Variants in MAP4K5 observed in about 807,000 individuals in gnomAD.
The protein encoded by MAP4K5 is MAPK/ERK kinase kinase kinase 5.
A neutral mutation model predicts 135.6 loss-of-function variants in MAP4K5; 82 were observed. The ratio of observed to expected loss-of-function variants is 0.60; its 90% CI spans 0.51 to 0.73. MAP4K5 has a LOEUF of 0.73. Among genes scored for constraint, MAP4K5 ranks in the 30% least tolerant of loss-of-function variants. The pLI, the probability that MAP4K5 is intolerant of heterozygous loss-of-function variation, is 0.00. For missense variants in MAP4K5, 907 were observed against 1,010.9 expected, an observed-to-expected ratio of 0.90 and a Z score of 1.39; for synonymous variants, 347 against 335.0, an observed-to-expected ratio of 1.04 and a Z score of -0.39.
rs560860990 is a variant in MAP4K5 at position 50,469,553 on chromosome 14, G to C, written c.543-771C>G. Among the ~76,000 whole-genome samples the C allele has an allele frequency of 2.6e-5, 4 of 152,280 alleles. No individual in the cohort carries two copies. In the South Asian group the frequency reaches 8.3e-4, roughly 32 times the overall value. ...TCTAAAACTGCATGGCAAGATGAAG[G>C]ATAGTGTGAAATCAGGTGAAATCAG... On this transcript the variant is annotated intron_variant, in intron 9 of 32. Coordinates refer to ENST00000682126, the MANE Select transcript of MAP4K5 (RefSeq NM_006575.6).
At chr14:50,485,895 T>G (rs931046893) in intron 4 of MAP4K5, 1 of 533,258 alleles carries the variant, frequency 1.9e-6, no homozygotes, top group African/African-American at 2.0e-5. Context: ...TTCATTAAAA[T>G]TGCCAGATGA....
Position 50,446,968 on chromosome 14 carries a change from T to C in MAP4K5, c.1142+446A>G, listed in dbSNP as rs1394651851. 3.3e-5 allele frequency among the ~76,000 whole-genome samples: 5 copies of C among 152,214 alleles called. No homozygotes were observed. In the South Asian group the frequency reaches 8.3e-4, roughly 25 times the overall value. On this transcript the variant is annotated intron_variant, in intron 16 of 32. Coordinates refer to ENST00000682126, the MANE Select transcript of MAP4K5 (RefSeq NM_006575.6). ...ACTATTCTTAGTTTGTGGGCTGCCA[T>C]AGTTTGTTAACTCCAAATGTATAGG...
At chr14:50,541,707 C>G (rs1208490578) in intron 2 of MAP4K5, among the ~76,000 whole-genome samples, 1 of 151,984 alleles carries the variant, frequency 6.6e-6, no homozygotes, top group Non-Finnish European at 1.5e-5. Flanking sequence ...CCAATGCAGA[C>G]CCCTAGGATT....
chr14:50,540,157 A>G (rs2038542867), intron 2 of MAP4K5, among the ~76,000 whole-genome samples: 1 of 152,246 alleles, frequency 6.6e-6, no homozygotes, highest in South Asian at 2.1e-4. Flanking sequence ...TGTCAAAGAC[A>G]TGTTTAGCAC....
chr14:50,521,688 G>A (rs1342280319), intron 2 of MAP4K5, among the ~76,000 whole-genome samples: 1 of 152,096 alleles, frequency 6.6e-6, no homozygotes, highest in Admixed American at 6.5e-5. Flanking sequence ...TGACTCACTA[G>A]CCCAAACACC....
chr14:50,471,579 T>A (rs1360578836), intron 9 of MAP4K5, among the ~76,000 whole-genome samples: 1 of 152,106 alleles, frequency 6.6e-6, no homozygotes, highest in African/African-American at 2.4e-5. Flanking sequence ...AAAAACCTCA[T>A]AAATGTAAGA....
At chr14:50,540,196 T>G (rs1398568148) in intron 2 of MAP4K5, among the ~76,000 whole-genome samples, 1 of 152,156 alleles carries the variant, frequency 6.6e-6, no homozygotes, top group Non-Finnish European at 1.5e-5. Context: ...CAGGAAGAAG[T>G]GAAATCAGGA....
At chr14:50,535,196 G>T (rs896233143), upstream of MAP4K5, among the ~76,000 whole-genome samples, 1 of 152,170 alleles carries the variant, frequency 6.6e-6, no homozygotes, top group African/African-American at 2.4e-5. Context: ...TTCTTTGAAA[G>T]TTCTTCAGTA....
At chr14:50,486,308 T>C (rs2037362567) in intron 3 of MAP4K5, 114 bp from the exon 4 acceptor site, 1 of 501,144 alleles carries the variant, frequency 2.0e-6, no homozygotes, top group Admixed American at 4.3e-5. Flanking sequence ...TTCTTAATAC[T>C]TCAATGAAAA....
rs890867343 is a variant in MAP4K5, at chr14:50,466,580, C to T, written c.737+3G>A. 2 of 1,356,850 alleles carry T rather than the reference C, an allele frequency of 1.5e-6. No individual in the cohort carries two copies. Among genetic ancestry groups the T allele is most frequent in the Admixed American group, 4.0e-5 (2 of 50,616 alleles). 84.1% of individuals were successfully genotyped at this position (1,356,850 alleles called of 1,614,324 possible). ...CTATAAAACTATATATTCTTTAACT[C>T]ACCATTTTGTTTTGTCCTTTAGTTT... is the stretch of plus-strand genomic sequence containing the variant. On this transcript the variant is annotated splice_donor_region_variant and intron_variant, in intron 11 of 32. Transcript: ENST00000682126.
At chr14:50,505,226 A>G (rs1385717658) in intron 2 of MAP4K5, 1 of 175,666 alleles carries the variant, frequency 5.7e-6, no homozygotes, top group African/African-American at 2.4e-5. Context: ...CATCATCTGT[A>G]TCTAACTACC....
Position 50,532,075 on chromosome 14 carries a change from A to G in MAP4K5, c.-26T>C. 1.4e-6 allele frequency: 2 copies of G among 1,420,090 alleles called. No individual in the cohort carries two copies. Among genetic ancestry groups the G allele is most frequent in the Non-Finnish European group, 1.9e-6 (2 of 1,036,708 alleles). 88.0% of individuals were successfully genotyped at this position (1,420,090 alleles called of 1,614,324 possible). A position where few individuals can be genotyped will look rare whatever the true frequency, so the allele number is the denominator to read the frequency against. ...CTTCACTTAGGGCCCGGCCCCCGCC[A>G]GCTCACCCCGCGGCTCCCGGATTCC... On this transcript the variant is annotated 5_prime_UTR_variant, in exon 2 of 33. Coordinates refer to ENST00000682126, the MANE Select transcript of MAP4K5 (RefSeq NM_006575.6).
chr14:50,446,686 T>C (rs1343956460), intron 16 of MAP4K5, among the ~76,000 whole-genome samples: 1 of 152,200 alleles, frequency 6.6e-6, no homozygotes, highest in Non-Finnish European at 1.5e-5. Context: ...CTGTATTCTA[T>C]ACCAGAGGTT....
upstream of MAP4K5, among the ~76,000 whole-genome samples, chr14:50,535,567 T>C (rs986038213): frequency 1.3e-5 from 2 of 148,298 alleles, no homozygotes; most frequent in Admixed American, 6.9e-5. Flanking sequence ...GATTTTTAAA[T>C]AATTATTATT....
rs547159442 is a variant in MAP4K5 at position 50,463,908 on chromosome 14, A to T, written c.819+144T>A. The T allele has an allele frequency of 2.4e-3, 543 of 221,910 alleles. 12 individuals carry two copies. The South Asian group carries it at 0.042, about 17-fold the overall frequency. The allele number at this position is 221,910 out of a possible 1,614,324, so 13.7% of individuals were successfully genotyped here. ...CCTGTTTCCAAAAAAAAAAAAAAAA[A>T]AAAAAAAAAAAAAAAAAAAAGTTTG... On this transcript the variant is annotated intron_variant, in intron 12 of 32. Coordinates refer to ENST00000682126, the MANE Select transcript of MAP4K5 (RefSeq NM_006575.6).
At chr14:50,447,007 C>T (rs972240016) in intron 16 of MAP4K5, among the ~76,000 whole-genome samples, 2 of 152,058 alleles carry the variant, frequency 1.3e-5, no homozygotes, top group Non-Finnish European at 2.9e-5. Flanking sequence ...AATGTGGGAA[C>T]CTAGGAATCT....
At chr14:50,458,197 T>A (rs1217429960) in intron 13 of MAP4K5, among the ~76,000 whole-genome samples, 1 of 152,156 alleles carries the variant, frequency 6.6e-6, no homozygotes, top group Non-Finnish European at 1.5e-5. Flanking sequence ...AAAATAGAAA[T>A]CACCAGCTAC....
intron 2 of MAP4K5, among the ~76,000 whole-genome samples, chr14:50,525,483 AT>A (rs2038243441): frequency 6.6e-6 from 1 of 152,002 alleles, no homozygotes; most frequent in South Asian, 2.1e-4. Flanking sequence ...TGGTCTCTAC[AT>A]TTCTAGCCAC....
rs2036229959 is a variant in MAP4K5, at chr14:50,441,733, A to T, written c.1564+999T>A. 4.1e-5 allele frequency among the ~76,000 whole-genome samples: 6 copies of T among 146,226 alleles called. No homozygotes were observed. In the Admixed American group the frequency reaches 4.2e-4, roughly 10 times the overall value. On this transcript the variant is annotated intron_variant, in intron 21 of 32. Transcript: ENST00000682126. Reference sequence around the variant, plus strand: ...GAACAAGACTCTGTCTCTAAAAAAAAATTATTTTATACACACACACACACA... The same window carrying T: ...GAACAAGACTCTGTCTCTAAAAAAATATTATTTTATACACACACACACACA...
Sources: gnomAD v4.1 joint callset for allele counts (sites outside exome capture counted in the v4.1 genomes callset) on GRCh38, gnomAD v4.1.1 for gene constraint, MANE v1.5 for transcripts, NCBI Gene and HGNC (gene_info 2026-07-23, HGNC 2026-07-21) for gene names.